ANKRD11: variants seen among roughly 807,000 people sequenced by gnomAD.
ANKRD11 encodes ankyrin repeat domain-containing protein 11.
In ANKRD11, 17 loss-of-function variants were observed where a neutral mutation model predicts 195.7. That is an observed-to-expected ratio of 0.09 (90% CI 0.06 to 0.13). ANKRD11 has a LOEUF of 0.13. ANKRD11 is among the 10% of genes least tolerant of loss of function. The pLI, the probability that ANKRD11 is intolerant of heterozygous loss-of-function variation, is 1.00. For synonymous variants in ANKRD11, 1,953 were observed against 1,528.1 expected (o/e 1.28, Z -6.49); for missense variants, 3,735 against 3,566.1 (o/e 1.05, Z -1.21).
chr16:89,316,326 G>A (rs910678816), intron 3 of ANKRD11, among the ~76,000 whole-genome samples: 2 of 152,010 alleles, frequency 1.3e-5, no homozygotes, highest in African/African-American at 4.8e-5. Flanking sequence ...CCCAGAACTC[G>A]GCGTCTCCCC....
chr16:89,344,606 C>T (rs936285914), intron 2 of ANKRD11, among the ~76,000 whole-genome samples: 6 of 152,196 alleles, frequency 3.9e-5, no homozygotes, highest in African/African-American at 7.2e-5. Context: ...TGCAAGCGTC[C>T]GGGAGGACAC....
chr16:89,339,513 T>C (rs1393315214), intron 2 of ANKRD11, among the ~76,000 whole-genome samples: 2 of 152,246 alleles, frequency 1.3e-5, no homozygotes, highest in Non-Finnish European at 2.9e-5. Context: ...TAAAGGTGGC[T>C]CTTTCACAAA....
chr16:89,364,315 C>T (rs1209741408), intron 2 of ANKRD11, among the ~76,000 whole-genome samples: 1 of 152,170 alleles, frequency 6.6e-6, no homozygotes, highest in Non-Finnish European at 1.5e-5. Context: ...AGCAGAAAAC[C>T]ACCAGGCAAC....
chr16:89,372,544 TAAAAC>T (rs1029915085), intron 2 of ANKRD11, among the ~76,000 whole-genome samples: 21 of 152,240 alleles, frequency 1.4e-4, no homozygotes, highest in Admixed American at 1.3e-3. Context: ...CATGAGCTGA[TAAAAC>T]AAGATGATGT....
At chr16:89,293,598 G>T (rs1413401480) in intron 4 of ANKRD11, among the ~76,000 whole-genome samples, 2 of 145,026 alleles carry the variant, frequency 1.4e-5, no homozygotes, top group Admixed American at 1.4e-4. Flanking sequence ...GGGCAGAGTT[G>T]GGGCTGCGGA....
At chr16:89,466,381 A>G (rs574460246) in intron 1 of ANKRD11, among the ~76,000 whole-genome samples, 1 of 152,224 alleles carries the variant, frequency 6.6e-6, no homozygotes, top group Admixed American at 6.5e-5. Context: ...AGGGGACCGC[A>G]TGAGGATGGA....
chr16:89,467,225 A>G lies in ANKRD11; in HGVS notation c.-145+23020T>C, dbSNP rs532759896. On this transcript the variant is annotated intron_variant, in intron 1 of 12. Coordinates refer to ENST00000301030, the MANE Select transcript of ANKRD11 (RefSeq NM_013275.6). The stretch of plus-strand genomic sequence containing the variant: ...AGCAGGTGGATCGCTTGAGCCCAGG[A>G]GTTTGAGATGGGCCAGGGCAACATG... 2.9e-4 allele frequency among the ~76,000 whole-genome samples: 44 copies of G among 151,846 alleles called. No homozygotes were observed. In the South Asian group the frequency reaches 7.9e-3, roughly 27 times the overall value.
At chr16:89,424,180 T>C (rs1489940787) in intron 1 of ANKRD11, among the ~76,000 whole-genome samples, 2 of 152,196 alleles carry the variant, frequency 1.3e-5, no homozygotes, top group African/African-American at 2.4e-5. Flanking sequence ...CTGGGCGCAG[T>C]GGCTCACACC....
chr16:89,325,787 G>A (rs1317937184), intron 2 of ANKRD11, among the ~76,000 whole-genome samples: 1 of 152,174 alleles, frequency 6.6e-6, no homozygotes, highest in Non-Finnish European at 1.5e-5. Context: ...CTATGTCCTT[G>A]CAAGGCCTCA....
intron 1 of ANKRD11, among the ~76,000 whole-genome samples, chr16:89,466,323 G>A (rs935940520): frequency 1.3e-5 from 2 of 152,182 alleles, no homozygotes; most frequent in African/African-American, 4.8e-5. Context: ...AGAAAAGAGA[G>A]TACCAGTTGT....
At chr16:89,324,179 G>C in intron 2 of ANKRD11, 5 of 1,156,144 alleles carry the variant, frequency 4.3e-6, no homozygotes, top group Non-Finnish European at 5.5e-6. Context: ...TATCACGGCG[G>C]GGGGTGGCAG....
intron 2 of ANKRD11, among the ~76,000 whole-genome samples, chr16:89,379,571 T>C (rs1475389054): frequency 1.3e-5 from 2 of 152,214 alleles, no homozygotes; most frequent in African/African-American, 2.4e-5. Context: ...CTCAACCTCC[T>C]GGGCTCAAGT....
chr16:89,463,223 G>A (rs938909771), intron 1 of ANKRD11, among the ~76,000 whole-genome samples: 4 of 152,254 alleles, frequency 2.6e-5, no homozygotes, highest in African/African-American at 9.6e-5. Flanking sequence ...CGGTTTTGTG[G>A]AATAGAAAGC....
chr16:89,312,970 A>G lies in ANKRD11; in HGVS notation c.87+3963T>C, dbSNP rs188151857. 4.2e-4 allele frequency among the ~76,000 whole-genome samples: 64 copies of G among 152,268 alleles called. No homozygotes were observed. In the East Asian group the frequency reaches 0.011, roughly 26 times the overall value. On this transcript the variant is annotated intron_variant, in intron 3 of 12. Coordinates refer to ENST00000301030, the MANE Select transcript of ANKRD11 (RefSeq NM_013275.6). ...AGATGTGAGTCTGTAACTGGCACAG[A>G]CTGGGGGGGTTTCTGCTGAGACTCG...
chr16:89,454,664 T>C (rs2056348550), intron 1 of ANKRD11, among the ~76,000 whole-genome samples: 1 of 144,988 alleles, frequency 6.9e-6, no homozygotes, highest in African/African-American at 2.6e-5. Flanking sequence ...CCAGGGTTCC[T>C]CAAGCTGCTC....
In ANKRD11 at chr16:89,435,294, T is replaced by C. The variant is rs532472790; in HGVS notation, c.-144-16926A>G. Among the ~76,000 whole-genome samples, 3 of 152,176 alleles carry C rather than the reference T, an allele frequency of 2.0e-5. No individual in the cohort carries two copies. The East Asian group carries it at 5.8e-4, about 29-fold the overall frequency. ...GTAAAATGGCCCAATCAGCGCTCTG[T>C]AAATGGACCAATCAGCAGTACGTGG... On this transcript the variant is annotated intron_variant, in intron 1 of 12. Coordinates refer to ENST00000301030, the MANE Select transcript of ANKRD11 (RefSeq NM_013275.6).
At chr16:89,294,576 G>A (rs1421554419) in intron 4 of ANKRD11, among the ~76,000 whole-genome samples, 1 of 152,160 alleles carries the variant, frequency 6.6e-6, no homozygotes. Context: ...GTGGCTTCTG[G>A]GGTAGAGGGA....
At chr16:89,437,467 T>TG (rs1290494707) in intron 1 of ANKRD11, among the ~76,000 whole-genome samples, 3 of 152,130 alleles carry the variant, frequency 2.0e-5, no homozygotes, top group Admixed American at 2.0e-4. Flanking sequence ...TTCTTCTTTC[T>TG]GCTCTTCTGT....
chr16:89,282,129 G>A lies in ANKRD11; in HGVS notation c.4413C>T (p.Asp1471=), dbSNP rs557025834. ...KREKHREKWR[D]EKERHRDRHA... is the part of the protein sequence containing the mutation. ...GCCTGTCCCGGTGCCTCTCCTTCTCGTCTCTCCATTTCTCCCTGTGTTTCT... is the reference window on the plus strand; with the variant it reads ...GCCTGTCCCGGTGCCTCTCCTTCTCATCTCTCCATTTCTCCCTGTGTTTCT... The change falls in exon 9 of 13, where the codon GAC becomes GAT. Residue 1471 remains aspartate (D), a synonymous_variant. Coordinates refer to ENST00000301030, the MANE Select transcript of ANKRD11 (RefSeq NM_013275.6). 1.7e-5 allele frequency: 27 copies of A among 1,613,092 alleles called. No individual in the cohort carries two copies. The highest frequency in any genetic ancestry group is 1.3e-4 in the South Asian group (12 of 91,026).
Sources: gnomAD v4.1 joint callset for allele counts (sites outside exome capture counted in the v4.1 genomes callset) on GRCh38, gnomAD v4.1.1 for gene constraint, MANE v1.5 for transcripts, NCBI Gene and HGNC (gene_info 2026-07-23, HGNC 2026-07-21) for gene names.